CDH12: variants seen among roughly 807,000 people sequenced by gnomAD.
The protein encoded by CDH12 is cadherin 12, also known as cadherin-12.
In CDH12, 41 loss-of-function variants were observed where a neutral mutation model predicts 74.1. The ratio of observed to expected loss-of-function variants is 0.55; its 90% confidence interval spans 0.43 to 0.72. The LOEUF (loss-of-function observed/expected upper bound fraction) is 0.72, where lower values mean the gene tolerates loss of function less well. CDH12 is among the 30% of genes least tolerant of loss of function. The pLI, the probability that CDH12 is intolerant of heterozygous loss-of-function variation, is 0.00. For synonymous variants in CDH12, 399 were observed against 355.0 expected (o/e 1.12, Z -1.39); for missense variants, 945 against 977.2 (o/e 0.97, Z 0.44).
chr5:22,253,847 T>G (rs1188858650), intron 3 of CDH12, among the ~76,000 whole-genome samples: 1 of 151,936 alleles, frequency 6.6e-6, no homozygotes, highest in Non-Finnish European at 1.5e-5. Context: ...GCTTACTAAA[T>G]AATGAGGCAC....
chr5:22,061,662 G>A (rs889314971), intron 5 of CDH12, among the ~76,000 whole-genome samples: 1 of 151,982 alleles, frequency 6.6e-6, no homozygotes, highest in African/African-American at 2.4e-5. Flanking sequence ...AACAATATTA[G>A]CCCACAGAGA....
intron 3 of CDH12, among the ~76,000 whole-genome samples, chr5:22,238,434 A>G (rs1752633105): frequency 6.6e-6 from 1 of 152,174 alleles, no homozygotes; most frequent in Admixed American, 6.5e-5. Flanking sequence ...TTTACCTACC[A>G]TTTTTACAAT....
chr5:22,416,171 T>C (rs1743381751), intron 2 of CDH12, among the ~76,000 whole-genome samples: 1 of 134,698 alleles, frequency 7.4e-6, no homozygotes, highest in South Asian at 2.5e-4. Context: ...GCCTCCCAGG[T>C]TCACGCCATT....
chr5:22,564,560 T>G (rs1466167788), intron 1 of CDH12, among the ~76,000 whole-genome samples: 1 of 152,240 alleles, frequency 6.6e-6, no homozygotes, highest in Non-Finnish European at 1.5e-5. Flanking sequence ...GAAAATATTT[T>G]CTTTCTTTTA....
At chr5:22,119,290 T>G in intron 4 of CDH12, among the ~76,000 whole-genome samples, 1 of 147,504 alleles carries the variant, frequency 6.8e-6, no homozygotes, top group Non-Finnish European at 1.5e-5. Context: ...ACTTCGTTTT[T>G]TTTTTTTTTT....
At chr5:21,766,005 T>C (rs893524591) in intron 11 of CDH12, among the ~76,000 whole-genome samples, 6 of 152,008 alleles carry the variant, frequency 3.9e-5, no homozygotes, top group Non-Finnish European at 8.8e-5. Flanking sequence ...CCCAGGATTA[T>C]AAAAATCTAA....
At chr5:22,029,010 G>A (rs936369747) in intron 5 of CDH12, among the ~76,000 whole-genome samples, 4 of 152,156 alleles carry the variant, frequency 2.6e-5, no homozygotes, top group East Asian at 3.9e-4. Flanking sequence ...AAGCAATGGG[G>A]AAAGGATTCC....
chr5:22,758,419 C>A (rs1746042366), intron 1 of CDH12, among the ~76,000 whole-genome samples: 1 of 152,040 alleles, frequency 6.6e-6, no homozygotes, highest in South Asian at 2.1e-4. Context: ...TCGCTTGCCA[C>A]CCCACAAAAA....
chr5:22,592,676 T>G (rs833351), intron 1 of CDH12, among the ~76,000 whole-genome samples: 9 of 136,100 alleles, frequency 6.6e-5, no homozygotes, highest in East Asian at 4.7e-4. Context: ...GCTCTCCCCC[T>G]CCACCCCCCA....
chr5:21,961,075 A>G (rs949075077), intron 6 of CDH12, among the ~76,000 whole-genome samples: 1 of 151,902 alleles, frequency 6.6e-6, no homozygotes, highest in African/African-American at 2.4e-5. Flanking sequence ...GTATTATTAG[A>G]ATCTTCCAAA....
At chr5:22,190,867 C>T (rs1381176005) in intron 4 of CDH12, among the ~76,000 whole-genome samples, 2 of 152,252 alleles carry the variant, frequency 1.3e-5, no homozygotes, top group Non-Finnish European at 2.9e-5. Flanking sequence ...ACTCCCACAA[C>T]TGGCGCATGC....
rs1018729969 is a variant in CDH12 at position 22,155,647 on chromosome 5, TA to T, written c.-187+56850del. On this transcript the variant is annotated intron_variant, in intron 4 of 14. Coordinates refer to ENST00000382254, the MANE Select transcript of CDH12 (RefSeq NM_004061.5). ...TTGAACATATATGTTTTAAAGTACT[TA>T]AAAATATTTTATAAATAAAGTTATT... Among the ~76,000 whole-genome samples the T allele has an allele frequency of 2.4e-3, 360 of 152,222 alleles. 1 individual carries two copies. The highest frequency in any genetic ancestry group is 8.2e-3 in the African/African-American group (342 of 41,552).
chr5:22,325,294 C>T (rs1027768628), intron 3 of CDH12, among the ~76,000 whole-genome samples: 1 of 152,026 alleles, frequency 6.6e-6, no homozygotes, highest in Non-Finnish European at 1.5e-5. Flanking sequence ...AGTTATAGTA[C>T]TAAACCTCAG....
At chr5:22,440,401 C>T (rs1478286521) in intron 2 of CDH12, among the ~76,000 whole-genome samples, 1 of 152,068 alleles carries the variant, frequency 6.6e-6, no homozygotes, top group Non-Finnish European at 1.5e-5. Context: ...ATAATAATAG[C>T]CATAATACCT....
intron 3 of CDH12, among the ~76,000 whole-genome samples, chr5:22,311,674 G>A (rs1400366744): frequency 7.1e-6 from 1 of 141,100 alleles, no homozygotes; most frequent in African/African-American, 2.7e-5. Context: ...TTGCACTCCA[G>A]TCTGGGTGAC....
chr5:21,802,897 A>G (rs6882109), intron 9 of CDH12, among the ~76,000 whole-genome samples: 42 of 152,254 alleles, frequency 2.8e-4, no homozygotes, highest in African/African-American at 8.7e-4. Flanking sequence ...TAAGAAAAGA[A>G]TCACGTCCAT....
At chr5:22,198,854 G>A (rs1750765572) in intron 4 of CDH12, among the ~76,000 whole-genome samples, 1 of 151,648 alleles carries the variant, frequency 6.6e-6, no homozygotes, top group East Asian at 2.0e-4. Flanking sequence ...ATTTTGAAAT[G>A]TTTAACAAAC....
chr5:22,564,410 T>C (rs1055416391), intron 1 of CDH12, among the ~76,000 whole-genome samples: 5 of 152,218 alleles, frequency 3.3e-5, no homozygotes, highest in African/African-American at 7.2e-5. Context: ...TGAATATTCA[T>C]TGCCACCAGT....
At chr5:22,322,688 T>C (rs1258171844) in intron 3 of CDH12, among the ~76,000 whole-genome samples, 1 of 152,210 alleles carries the variant, frequency 6.6e-6, no homozygotes, top group Admixed American at 6.5e-5. Context: ...TTCTTTTGTG[T>C]CTGCTATATT....
Sources: allele counts gnomAD v4.1 joint callset (sites outside exome capture counted in the v4.1 genomes callset), GRCh38; gene constraint gnomAD v4.1.1; transcripts MANE v1.5; gene names NCBI Gene and HGNC (gene_info 2026-07-23, HGNC 2026-07-21).